Variants in HTR7 observed in about 807,000 individuals in gnomAD.
The protein encoded by HTR7 is 5-hydroxytryptamine receptor 7, also known as 5-HT-7.
Under a neutral mutation model 34.0 loss-of-function variants are expected in HTR7, and 16 were observed. The observed-to-expected ratio is 0.47, with a 90% CI of 0.32 to 0.71. HTR7 has a LOEUF of 0.71. HTR7 is among the 30% of genes least tolerant of loss of function. The pLI is 0.04. For missense variants in HTR7, 504 were observed against 625.5 expected, an observed-to-expected ratio of 0.81 and a Z score of 2.07; for synonymous variants, 265 against 260.2, an observed-to-expected ratio of 1.02 and a Z score of -0.18.
At chr10:90,802,668 A>G (rs2119928241) in intron 1 of HTR7, among the ~76,000 whole-genome samples, 1 of 152,352 alleles carries the variant, frequency 6.6e-6, no homozygotes, top group Admixed American at 6.5e-5. Flanking sequence ...AAAGAGCAAA[A>G]TCTGACCTAA....
At position 90,777,602 on chromosome 10, in the gene HTR7, T is replaced by A. The variant is rs568304192; in HGVS notation, c.540-28008A>T. Among the ~76,000 whole-genome samples, 9 of 152,304 alleles carry A rather than the reference T, an allele frequency of 5.9e-5. 1 individual carries two copies. The South Asian group carries it at 8.3e-4, about 14-fold the overall frequency. ...AATGCCAACCAAGTCTGTCCATTTT[T>A]AAGAACTTTTCCAGGTGCCACCTGC... On this transcript the variant is annotated intron_variant, in intron 1 of 3. Coordinates refer to ENST00000336152, the MANE Select transcript of HTR7 (RefSeq NM_019859.4).
intron 1 of HTR7, among the ~76,000 whole-genome samples, chr10:90,848,429 G>GT (rs1422893957): frequency 2.6e-5 from 4 of 151,874 alleles, no homozygotes; most frequent in African/African-American, 9.7e-5. Flanking sequence ...ACTTATGTAC[G>GT]TCCCTAAAAA....
chr10:90,748,746 G>C lies in HTR7; in HGVS notation c.1295+93C>G, dbSNP rs1844679545. The C allele has an allele frequency of 5.3e-6, 7 of 1,330,056 alleles. No homozygotes were observed. The South Asian group carries it at 7.2e-5, about 14-fold the overall frequency. 82.4% of individuals were successfully genotyped at this position (1,330,056 alleles called of 1,614,324 possible). A position where few individuals can be genotyped will look rare whatever the true frequency, so the allele number is the denominator to read the frequency against. On this transcript the variant is annotated intron_variant, in intron 2 of 3. Transcript: ENST00000336152. ...GGTATGTTTAGTAAAAACTAAGCTAGCTACTCGTTCAGGAAGCTTTCTGTG... is the reference window on the plus strand; with the variant it reads ...GGTATGTTTAGTAAAAACTAAGCTACCTACTCGTTCAGGAAGCTTTCTGTG...
intron 1 of HTR7, among the ~76,000 whole-genome samples, chr10:90,758,668 A>G (rs1844878997): frequency 6.6e-6 from 1 of 152,194 alleles, no homozygotes; most frequent in Admixed American, 6.5e-5. Flanking sequence ...TACCAGCAAA[A>G]GGACACATAA....
chr10:90,754,176 T>C (rs1486999532), intron 1 of HTR7, among the ~76,000 whole-genome samples: 1 of 152,152 alleles, frequency 6.6e-6, no homozygotes, highest in Non-Finnish European at 1.5e-5. Flanking sequence ...AGAAAGCTGA[T>C]AATTAAATCT....
At chr10:90,823,501 C>T (rs1302196612) in intron 1 of HTR7, among the ~76,000 whole-genome samples, 5 of 152,138 alleles carry the variant, frequency 3.3e-5, no homozygotes, top group Non-Finnish European at 7.4e-5. Flanking sequence ...CTAATTTGTT[C>T]TTAATTTTAC....
At chr10:90,761,663 T>TGTGG (rs71025326) in intron 1 of HTR7, among the ~76,000 whole-genome samples, 1 of 145,744 alleles carries the variant, frequency 6.9e-6, no homozygotes, top group African/African-American at 2.6e-5. Flanking sequence ...TGTGTGTGTG[T>TGTGG]GGTGAGGTTT....
At chr10:90,821,972 T>C (rs148667027) in intron 1 of HTR7, among the ~76,000 whole-genome samples, 311 of 152,326 alleles carry the variant, frequency 2.0e-3, no homozygotes, top group Non-Finnish European at 3.3e-3. Flanking sequence ...TTTGGAACTG[T>C]GAGTCAATTA....
intron 1 of HTR7, among the ~76,000 whole-genome samples, chr10:90,846,692 T>C (rs1185509812): frequency 6.6e-6 from 1 of 152,208 alleles, no homozygotes; most frequent in Non-Finnish European, 1.5e-5. Context: ...TCTGGGAAGC[T>C]GAAACATAAT....
At chr10:90,744,051 G>A (rs1844597375) in intron 2 of HTR7, 1 of 400,996 alleles carries the variant, frequency 2.5e-6, no homozygotes, top group Non-Finnish European at 4.9e-6. Context: ...AGAATACGTA[G>A]AGCCAAGAAG....
intron 1 of HTR7, among the ~76,000 whole-genome samples, chr10:90,800,071 T>G (rs1455910522): frequency 6.6e-6 from 1 of 152,136 alleles, no homozygotes; most frequent in Admixed American, 6.5e-5. Context: ...ACACCATTAA[T>G]AAGAAGAAAA....
At chr10:90,804,836 G>A (rs1415676199) in intron 1 of HTR7, among the ~76,000 whole-genome samples, 1 of 152,032 alleles carries the variant, frequency 6.6e-6, no homozygotes, top group East Asian at 1.9e-4. Context: ...AATCCTGTCT[G>A]TTCCTCCTTC....
rs1844704900 is a variant in HTR7, at chr10:90,749,663, C to A, written c.540-69G>T. 12 of 1,458,724 alleles carry A rather than the reference C, an allele frequency of 8.2e-6. No homozygotes were observed. The highest frequency in any genetic ancestry group is 1.1e-5 in the Non-Finnish European group (12 of 1,075,594). 90.4% of individuals were successfully genotyped at this position (1,458,724 alleles called of 1,614,324 possible). A position where few individuals can be genotyped will look rare whatever the true frequency, so the allele number is the denominator to read the frequency against. On this transcript the variant is annotated intron_variant, in intron 1 of 3. Transcript: ENST00000336152. This position sits in a 1 kb window ranked among gnomAD's most constrained non-coding sequence, Gnocchi z 4.2. ...AACTGGTCAACCAAGCAAGTCCTGC[C>A]AGCCAGGTACCAGCGCCAGTCCTCG...
At chr10:90,767,249 G>A (rs990130050) in intron 1 of HTR7, among the ~76,000 whole-genome samples, 3 of 152,162 alleles carry the variant, frequency 2.0e-5, no homozygotes, top group Non-Finnish European at 4.4e-5. Flanking sequence ...GGTTAGGTGG[G>A]GCCTAGGGGT....
intron 1 of HTR7, among the ~76,000 whole-genome samples, chr10:90,804,098 C>G (rs533405454): frequency 1.3e-5 from 2 of 152,262 alleles, no homozygotes; most frequent in Admixed American, 6.5e-5. Flanking sequence ...GCATCAGAGA[C>G]TAGGAAAAGA....
chr10:90,748,343 A>C (rs551427511), intron 2 of HTR7, among the ~76,000 whole-genome samples: 1 of 152,224 alleles, frequency 6.6e-6, no homozygotes, highest in Non-Finnish European at 1.5e-5. Context: ...ATCTCCCCAC[A>C]CTAACAACTC....
Position 90,749,964 on chromosome 10 carries a change from A to G in HTR7, c.540-370T>C, listed in dbSNP as rs1844708886. On this transcript the variant is annotated intron_variant, in intron 1 of 3. Coordinates refer to ENST00000336152, the MANE Select transcript of HTR7 (RefSeq NM_019859.4). The surrounding 1 kb of genome is among the most constrained non-coding windows in gnomAD (Gnocchi z 4.2). ...ATCAACTCTGATGTAGGATGTTGTG[A>G]CACATTCTCAAAACTTAACCAAGGT... Among the ~76,000 whole-genome samples, 1 of 152,208 alleles carries G rather than the reference A, an allele frequency of 6.6e-6. No homozygotes were observed. Among genetic ancestry groups the G allele is most frequent in the East Asian group, 1.9e-4 (1 of 5,204 alleles).
intron 1 of HTR7, among the ~76,000 whole-genome samples, chr10:90,819,699 A>C (rs1045742257): frequency 6.6e-6 from 1 of 152,172 alleles, no homozygotes; most frequent in Admixed American, 6.5e-5. Context: ...CTTAGAACAA[A>C]ACCTTGCAAT....
chr10:90,764,776 A>G (rs1385754859), intron 1 of HTR7, among the ~76,000 whole-genome samples: 1 of 152,134 alleles, frequency 6.6e-6, no homozygotes, highest in African/African-American at 2.4e-5. Flanking sequence ...TCAGCTTTAC[A>G]CCACTGAGTA....
Sources: gnomAD v4.1 joint callset for allele counts (sites outside exome capture counted in the v4.1 genomes callset) on GRCh38, gnomAD v4.1.1 for gene constraint, Gnocchi (gnomAD v3.1) non-coding constraint, MANE v1.5 for transcripts, NCBI Gene and HGNC (gene_info 2026-07-23, HGNC 2026-07-21) for gene names.